Variants in JADE1 observed in about 807,000 individuals in gnomAD.
JADE1 encodes the protein protein Jade-1.
JADE1 carries 14 observed loss-of-function variants against 81.8 expected under a neutral mutation model. The observed-to-expected ratio is 0.17, with a 90% CI of 0.11 to 0.27. The LOEUF (loss-of-function observed/expected upper bound fraction) is 0.27. Among genes scored for constraint, JADE1 ranks in the 10% least tolerant of loss-of-function variants. JADE1 has a pLI of 1.00. For synonymous variants in JADE1, 353 were observed against 391.9 expected (o/e 0.90, Z 1.17); for missense variants, 690 against 1,047.9 (o/e 0.66, Z 4.71).
Position 128,848,973 on chromosome 4 carries a change from T to C in JADE1, c.297-7T>C. ...TAACCTGGCTGCCTTGTTTTTTTAT[T>C]ATCCAGGGTTGTGTCTGAAGAGAAA... On this transcript the variant is annotated splice_region_variant and splice_polypyrimidine_tract_variant and intron_variant, in intron 4 of 10. Coordinates refer to ENST00000226319, the MANE Select transcript of JADE1 (RefSeq NM_199320.4). The C allele has an allele frequency of 6.2e-7, 1 of 1,611,534 alleles. No homozygotes were observed. The highest frequency in any genetic ancestry group is 8.5e-7 in the Non-Finnish European group (1 of 1,179,162).
At chr4:128,822,240 G>C (rs924812753) in intron 1 of JADE1, among the ~76,000 whole-genome samples, 1 of 152,084 alleles carries the variant, frequency 6.6e-6, no homozygotes, top group African/African-American at 2.4e-5. Context: ...GGTGGTGTGC[G>C]CCTCTAGTCC....
intron 1 of JADE1, 159 bp from the exon 2 acceptor site, chr4:128,831,574 A>C (rs2125827347): frequency 1.6e-6 from 1 of 610,622 alleles, no homozygotes; most frequent in South Asian, 2.0e-5. Flanking sequence ...GATTGCACCT[A>C]ATTATGTATC....
In JADE1 at chr4:128,873,295, AAAAG is replaced by A. The variant is rs1468511144; in HGVS notation, c.*1037_*1040del. 3 of 152,030 alleles carry A rather than the reference AAAAG, an allele frequency of 2.0e-5. No homozygotes were observed. Among genetic ancestry groups the A allele is most frequent in the African/African-American group, 7.3e-5 (3 of 41,232 alleles). 9.4% of individuals were successfully genotyped at this position (152,030 alleles called of 1,614,324 possible). On this transcript the variant is annotated 3_prime_UTR_variant, in exon 11 of 11. Transcript: ENST00000226319. ...AAAGAAAAAAAGAAAAAAAAAAGAA[AAAAG>A]AAAAAAAGAGAAAAAAGCGAAATAG...
intron 5 of JADE1, among the ~76,000 whole-genome samples, chr4:128,850,227 C>G (rs1027379593): frequency 4.8e-5 from 5 of 103,722 alleles, no homozygotes; most frequent in African/African-American, 1.6e-4. Flanking sequence ...TGATTCTTCT[C>G]AAGTCACTTG....
Position 128,861,818 on chromosome 4 carries a change from C to G in JADE1, c.1096C>G (p.Pro366Ala), listed in dbSNP as rs767252437. 5 of 1,614,142 alleles carry G rather than the reference C, an allele frequency of 3.1e-6. No homozygotes were observed. Among genetic ancestry groups the G allele is most frequent in the Admixed American group, 1.7e-5 (1 of 60,014 alleles). The change falls in exon 9 of 11, where the codon CCA (proline) becomes GCA (alanine). Residue 366 changes from proline to alanine, a missense_variant. Transcript: ENST00000226319. ...NDEVKFKSYC[P>A]KHSSHRKPEE... ...TGAAGTCAAGTTCAAGTCCTATTGCCCAAAGCACAGCTCACATAGGAAACC... is the reference window on the plus strand; with the variant it reads ...TGAAGTCAAGTTCAAGTCCTATTGCGCAAAGCACAGCTCACATAGGAAACC...
chr4:128,850,771 A>T (rs2125865700), intron 5 of JADE1, among the ~76,000 whole-genome samples: 1 of 152,386 alleles, frequency 6.6e-6, no homozygotes, highest in South Asian at 2.1e-4. Context: ...CAGAGGACTC[A>T]GCCCAAAGAC....
intron 9 of JADE1, chr4:128,862,838 C>T (rs1040584619): frequency 1.0e-6 from 1 of 990,448 alleles, no homozygotes; most frequent in East Asian, 1.1e-4. Flanking sequence ...TGTACACATG[C>T]ATATATCTGT....
intron 9 of JADE1, chr4:128,864,129 T>A (rs560412885): frequency 1.0e-6 from 1 of 980,948 alleles, no homozygotes; most frequent in South Asian, 4.7e-5. Context: ...CCTAAGGAAC[T>A]TTAAAGAATT....
chr4:128,829,914 G>C lies in JADE1; in HGVS notation c.-26-1819G>C, dbSNP rs574983903. ...TTTTTTCAAGACAGAATCTCACTGT[G>C]TCACATAGGCTGGAGTGCAGTGGTG... On this transcript the variant is annotated intron_variant, in intron 1 of 10. Transcript: ENST00000226319. 2.0e-5 allele frequency among the ~76,000 whole-genome samples: 3 copies of C among 151,910 alleles called. No individual in the cohort carries two copies. In the South Asian group the frequency reaches 6.2e-4, roughly 32 times the overall value.
intron 2 of JADE1, among the ~76,000 whole-genome samples, chr4:128,840,467 C>T (rs923552021): frequency 6.6e-6 from 1 of 152,168 alleles, no homozygotes; most frequent in Admixed American, 6.5e-5. Flanking sequence ...AGAGGAGGAC[C>T]ATCCCTTTTT....
At chr4:128,859,481 ATG>A (rs533312884) in intron 8 of JADE1, among the ~76,000 whole-genome samples, 223 of 151,524 alleles carry the variant, frequency 1.5e-3, no homozygotes, top group Admixed American at 3.6e-3. Flanking sequence ...ATGAGTATGC[ATG>A]TGAGTATGCA....
At chr4:128,829,054 A>T (rs1728311619) in intron 1 of JADE1, among the ~76,000 whole-genome samples, 1 of 152,070 alleles carries the variant, frequency 6.6e-6, no homozygotes, top group South Asian at 2.1e-4. Context: ...CTCTTGCTGG[A>T]TCCTGAGGGG....
chr4:128,815,695 A>G (rs1287190972), intron 1 of JADE1, among the ~76,000 whole-genome samples: 22 of 152,168 alleles, frequency 1.4e-4, no homozygotes, highest in Admixed American at 1.4e-3. Flanking sequence ...AGGCATAGGA[A>G]TCTGTCACAG....
intron 9 of JADE1, among the ~76,000 whole-genome samples, chr4:128,867,290 C>CA (rs1405348280): frequency 1.3e-5 from 2 of 152,186 alleles, no homozygotes; most frequent in Non-Finnish European, 2.9e-5. Context: ...GTGCAGTTGA[C>CA]AAAGACATTT....
chr4:128,872,137 G>A lies in JADE1; in HGVS notation c.2404G>A (p.Gly802Arg), dbSNP rs1181161513. The change falls in exon 11 of 11, where the codon GGG becomes AGG. Residue 802 changes from glycine to arginine, a missense_variant. Physicochemically the swap from Gly to Arg is moderately radical, Grantham distance 125. This residue lies in a region of JADE1 where 218 missense variants were observed against 274.3 expected (regional missense o/e 0.79). Transcript: ENST00000226319. ...ATTAAAATCCGACAATGAGAATGAC[G>A]GGTATGTCCCCGATGTGGAAATGAG... is the stretch of plus-strand genomic sequence containing the variant. ...SKLKSDNENDGYVPDVEMSDS... is the reference protein window; with the variant it reads ...SKLKSDNENDRYVPDVEMSDS... 2 of 1,614,156 alleles carry A rather than the reference G, an allele frequency of 1.2e-6. No individual in the cohort carries two copies. The highest frequency in any genetic ancestry group is 1.1e-5 in the South Asian group (1 of 91,086).
chr4:128,856,653 A>C (rs1730821234), intron 7 of JADE1, among the ~76,000 whole-genome samples: 1 of 152,350 alleles, frequency 6.6e-6, no homozygotes, highest in Admixed American at 6.5e-5. Flanking sequence ...TATAATTTGC[A>C]TAGCTCAGTG....
intron 1 of JADE1, among the ~76,000 whole-genome samples, chr4:128,814,109 C>T (rs753871352): frequency 1.3e-5 from 2 of 151,674 alleles, no homozygotes; most frequent in Non-Finnish European, 2.9e-5. Flanking sequence ...GCCTGTAAAC[C>T]AGTGCTGTGC....
intron 1 of JADE1, among the ~76,000 whole-genome samples, chr4:128,811,645 G>GT (rs1726391925): frequency 3.6e-5 from 1 of 28,036 alleles, no homozygotes; most frequent in African/African-American, 4.6e-5. Flanking sequence ...GGGGTGGGGG[G>GT]TTGCGGGGGC....
intron 1 of JADE1, among the ~76,000 whole-genome samples, chr4:128,813,119 A>G (rs1004890791): frequency 1.3e-5 from 2 of 152,238 alleles, no homozygotes; most frequent in African/African-American, 2.4e-5. Flanking sequence ...TGATTTAGGT[A>G]GTGACTCCCC....
Sources: allele counts gnomAD v4.1 joint callset (sites outside exome capture counted in the v4.1 genomes callset), GRCh38; gene constraint gnomAD v4.1.1; regional missense constraint gnomAD v4.1.1; transcripts MANE v1.5; gene names NCBI Gene and HGNC (gene_info 2026-07-23, HGNC 2026-07-21).